The following KLRG1 variants were observed in gnomAD, a reference collection of about 807,000 sequenced individuals.
The protein encoded by KLRG1 is killer cell lectin like receptor G1, also known as killer cell lectin-like receptor subfamily G member 1.
A neutral mutation model predicts 21.8 loss-of-function variants in KLRG1; 16 were observed. The observed-to-expected ratio is 0.73, with a 90% confidence interval of 0.50 to 1.11. The LOEUF (loss-of-function observed/expected upper bound fraction) is 1.11. Ranked by LOEUF, KLRG1 falls within the 50% of genes most tolerant of loss-of-function variation. The pLI is 0.00. For synonymous variants in KLRG1, 69 were observed against 75.9 expected, an observed-to-expected ratio of 0.91 and a Z score of 0.47; for missense variants, 173 against 218.3, an observed-to-expected ratio of 0.79 and a Z score of 1.31.
chr12:9,002,655 C>T (rs1447706269), intron 3 of KLRG1, among the ~76,000 whole-genome samples: 1 of 152,074 alleles, frequency 6.6e-6, no homozygotes, highest in Non-Finnish European at 1.5e-5. Context: ...CAACCTCCAC[C>T]TCCTAGGCTC....
At chr12:8,987,310 T>C (rs1946858347), upstream of KLRG1, 1 of 152,172 alleles carries the variant, frequency 6.6e-6, no homozygotes, top group African/African-American at 2.4e-5. Flanking sequence ...GGGGCCCTGA[T>C]CTGATAGGAT....
the KLRG1 span, among the ~76,000 whole-genome samples, chr12:9,126,505 C>T: frequency 1.3e-5 from 2 of 152,152 alleles, no homozygotes; most frequent in African/African-American, 4.8e-5. Context: ...GAATGCCTAA[C>T]TTACCTGCTG....
chr12:9,089,758 C>T, the KLRG1 span: 7 of 630,986 alleles, frequency 1.1e-5, no homozygotes, highest in Admixed American at 3.8e-5. Context: ...AAAACAAAAA[C>T]CCCCAACAAA....
At chr12:9,006,449 A>G (rs1947477099) in intron 3 of KLRG1, among the ~76,000 whole-genome samples, 1 of 152,222 alleles carries the variant, frequency 6.6e-6, no homozygotes, top group Non-Finnish European at 1.5e-5. Context: ...TGTTAAAGGA[A>G]AAGAAAGAAG....
chr12:9,204,063 A>G, the KLRG1 span: 455 of 1,097,498 alleles, frequency 4.1e-4, 3 homozygotes, highest in African/African-American at 6.4e-3. Context: ...GTTTTATTCT[A>G]AAAGTCAATG....
At chr12:9,082,720 A>T in the KLRG1 span, among the ~76,000 whole-genome samples, 4 of 152,248 alleles carry the variant, frequency 2.6e-5, no homozygotes, top group African/African-American at 9.6e-5. Context: ...ATAAAGATCT[A>T]TGAAATCACT....
the KLRG1 span, chr12:9,076,912 A>G: frequency 6.2e-7 from 1 of 1,605,640 alleles, no homozygotes; most frequent in Non-Finnish European, 8.5e-7. Context: ...TCCAGGCAAA[A>G]CAGGGCATTG....
the KLRG1 span, chr12:9,157,342 C>G: frequency 3.1e-5 from 50 of 1,612,968 alleles, no homozygotes; most frequent in African/African-American, 5.3e-4. Context: ...CAGGGCATTG[C>G]GAACAATAGG....
At chr12:8,985,018 T>C (rs1946819819), upstream of KLRG1, among the ~76,000 whole-genome samples, 1 of 152,208 alleles carries the variant, frequency 6.6e-6, no homozygotes, top group Admixed American at 6.5e-5. Context: ...GGCACATTTC[T>C]CAAATGTAAG....
chr12:9,104,104 C>A, the KLRG1 span: 2 of 861,762 alleles, frequency 2.3e-6, no homozygotes, highest in African/African-American at 3.5e-5. Context: ...AAAAAGTTAA[C>A]CTTCAATCGG....
chr12:9,190,832 A>G, the KLRG1 span, among the ~76,000 whole-genome samples: 1 of 152,318 alleles, frequency 6.6e-6, no homozygotes, highest in South Asian at 2.1e-4. Flanking sequence ...GTGAAAAGAG[A>G]ACAATATGAG....
the KLRG1 span, chr12:9,168,573 C>T: frequency 3.8e-6 from 1 of 266,300 alleles, no homozygotes; most frequent in Non-Finnish European, 7.0e-6. Context: ...TTCCTGTTTC[C>T]ATAATCAGAA....
chr12:9,018,999 A>T, the KLRG1 span, among the ~76,000 whole-genome samples: 3 of 152,226 alleles, frequency 2.0e-5, no homozygotes, highest in African/African-American at 7.2e-5. Flanking sequence ...ATGGAATGGG[A>T]GGAAACATTT....
chr12:8,954,036 T>G (rs1206306863), intron 1 of KLRG1, among the ~76,000 whole-genome samples: 1 of 152,158 alleles, frequency 6.6e-6, no homozygotes, highest in East Asian at 1.9e-4. Flanking sequence ...AGCCTTTTAG[T>G]GGTGCCTCCT....
the KLRG1 span, chr12:9,165,494 T>A: frequency 5.9e-6 from 6 of 1,018,132 alleles, no homozygotes; most frequent in Non-Finnish European, 8.6e-6. Context: ...GAGTGTGCAT[T>A]CGTGTGAACA....
chr12:9,102,570 C>G, the KLRG1 span, among the ~76,000 whole-genome samples: 1 of 152,118 alleles, frequency 6.6e-6, no homozygotes, highest in South Asian at 2.1e-4. Flanking sequence ...CCTCAGAGGC[C>G]CTATTTGGGT....
the KLRG1 span, chr12:9,158,457 A>G: frequency 6.2e-7 from 1 of 1,614,154 alleles, no homozygotes; most frequent in Non-Finnish European, 8.5e-7. Flanking sequence ...AGAGCTCCTG[A>G]AACAGCCATT....
the KLRG1 span, chr12:9,208,494 C>T: frequency 1.7e-6 from 1 of 592,148 alleles, no homozygotes; most frequent in East Asian, 2.9e-5. Context: ...GCACAGATTC[C>T]CTAAAAGGGT....
the KLRG1 span, chr12:9,104,151 G>T: frequency 7.4e-7 from 1 of 1,346,818 alleles, no homozygotes; most frequent in Non-Finnish European, 1.0e-6. Flanking sequence ...CATAGAACTA[G>T]ACACAGTTTG....
Sources: allele counts gnomAD v4.1 joint callset (sites outside exome capture counted in the v4.1 genomes callset), GRCh38; gene constraint gnomAD v4.1.1; transcripts MANE v1.5; gene names NCBI Gene and HGNC (gene_info 2026-07-23, HGNC 2026-07-21).